PCDHA8: variants seen among roughly 807,000 people sequenced by gnomAD.
PCDHA8 encodes the protein protocadherin alpha 8, also known as protocadherin alpha-8.
A neutral mutation model predicts 61.8 loss-of-function variants in PCDHA8; 53 were observed. The ratio of observed to expected loss-of-function variants is 0.86; its 90% CI spans 0.69 to 1.08. PCDHA8 has a LOEUF of 1.08. PCDHA8 is among the 50% of genes least tolerant of loss of function. The probability of loss-of-function intolerance (pLI) is 0.00; values close to 1 mark genes in which losing one functional copy is unlikely to be tolerated. For synonymous variants in PCDHA8, 618 were observed against 556.6 expected, an observed-to-expected ratio of 1.11 and a Z score of -1.55; for missense variants, 1,293 against 1,245.0, an observed-to-expected ratio of 1.04 and a Z score of -0.58.
chr5:140,882,323 C>G, intron 1 of PCDHA8: 1 of 1,614,216 alleles, frequency 6.2e-7, no homozygotes, highest in African/African-American at 1.3e-5. Context: ...GCTCTGGCTT[C>G]TGATCCTCGC....
In PCDHA8 at chr5:140,857,075, A is replaced by C. The variant is rs782381292; in HGVS notation, c.2394+13360A>C. On this transcript the variant is annotated intron_variant, in intron 1 of 3. Coordinates refer to ENST00000531613, the MANE Select transcript of PCDHA8 (RefSeq NM_018911.3). ...GGTCCTAGTGGAACTACTGGATGAA[A>C]ATGATAATTCACCTGAGGTGATTGT... is the stretch of plus-strand genomic sequence containing the variant. 10 of 1,597,052 alleles carry C rather than the reference A, an allele frequency of 6.3e-6. 1 individual carries two copies. The highest frequency in any genetic ancestry group is 8.6e-6 in the Non-Finnish European group (10 of 1,166,684).
At chr5:140,862,914 T>G (rs1324923018) in intron 1 of PCDHA8, 1 of 548,316 alleles carries the variant, frequency 1.8e-6, no homozygotes, top group African/African-American at 2.0e-5. Flanking sequence ...TGCTGGCGCC[T>G]TGGGTGGGCT....
Position 140,885,214 on chromosome 5 carries a change from T to A in PCDHA8, c.2394+41499T>A, listed in dbSNP as rs550824585. On this transcript the variant is annotated intron_variant, in intron 1 of 3. Coordinates refer to ENST00000531613, the MANE Select transcript of PCDHA8 (RefSeq NM_018911.3). ...CCCCTCTCATATATCCCATGAAAAATATCTTGTGATTCTGCTTTCAATTTT... is the reference window on the plus strand; with the variant it reads ...CCCCTCTCATATATCCCATGAAAAAAATCTTGTGATTCTGCTTTCAATTTT... Among the ~76,000 whole-genome samples the A allele has an allele frequency of 2.8e-3, 423 of 152,168 alleles. 2 individuals carry two copies. The highest frequency in any genetic ancestry group is 0.014 in the Middle Eastern group (4 of 294).
At chr5:140,874,881 C>T (rs1316593398) in intron 1 of PCDHA8, among the ~76,000 whole-genome samples, 3 of 152,102 alleles carry the variant, frequency 2.0e-5, no homozygotes, top group Non-Finnish European at 2.9e-5. Context: ...AATACAAATT[C>T]CTAACTTTCT....
chr5:141,000,027 A>G (rs782393146), intron 3 of PCDHA8, among the ~76,000 whole-genome samples: 4 of 152,048 alleles, frequency 2.6e-5, no homozygotes, highest in Non-Finnish European at 5.9e-5. Flanking sequence ...TAAGCCTGAC[A>G]TCCAATCACA....
rs57893927 is a variant in PCDHA8, at chr5:140,946,631, T to TATATATATATATATATAC, written c.2395-32317_2395-32316insTATATATATATATATACA. Among the ~76,000 whole-genome samples, 374 of 131,796 alleles carry TATATATATATATATATAC rather than the reference T, an allele frequency of 2.8e-3. 24 individuals carry two copies. The highest frequency in any genetic ancestry group is 0.011 in the African/African-American group (320 of 28,670). 86.5% of individuals were successfully genotyped at this position (131,796 alleles called of 152,430 possible). ...TGTGAAATATATATATATATATATA[T>TATATATATATATATATAC]ACAATGGAATACTCATCAGCCATTA... On this transcript the variant is annotated intron_variant, in intron 1 of 3. Coordinates refer to ENST00000531613, the MANE Select transcript of PCDHA8 (RefSeq NM_018911.3).
At chr5:140,966,831 G>A in intron 1 of PCDHA8, 1 of 1,563,110 alleles carries the variant, frequency 6.4e-7, no homozygotes, top group Non-Finnish European at 8.6e-7. Flanking sequence ...CCCATGCCCT[G>A]GCTGCTGCTA....
At chr5:140,884,461 G>C in intron 1 of PCDHA8, 3 of 1,613,764 alleles carry the variant, frequency 1.9e-6, no homozygotes, top group Non-Finnish European at 2.5e-6. Context: ...CCGAGGGCGC[G>C]TGCGCGCCGG....
At position 140,884,619 on chromosome 5, in the gene PCDHA8, A is replaced by C; in HGVS notation, c.2394+40904A>C. ...CTTCCTCCTTGTCTGGGTTCTGCAGAGGGAACAGGCCAGAGGGAGGAGGAC... is the reference window on the plus strand; with the variant it reads ...CTTCCTCCTTGTCTGGGTTCTGCAGCGGGAACAGGCCAGAGGGAGGAGGAC... On this transcript the variant is annotated intron_variant, in intron 1 of 3. Coordinates refer to ENST00000531613, the MANE Select transcript of PCDHA8 (RefSeq NM_018911.3). 3.7e-6 allele frequency: 6 copies of C among 1,614,074 alleles called. No homozygotes were observed. The highest frequency in any genetic ancestry group is 5.1e-6 in the Non-Finnish European group (6 of 1,179,956).
intron 1 of PCDHA8, chr5:140,875,574 C>A (rs368911944): frequency 2.2e-5 from 35 of 1,613,978 alleles, no homozygotes; most frequent in East Asian, 6.7e-5. Context: ...TCCACTACTC[C>A]GTCTACGAGG....
chr5:140,869,481 TAACG>T (rs1306564737), intron 1 of PCDHA8: 1 of 1,613,970 alleles, frequency 6.2e-7, no homozygotes, highest in African/African-American at 1.3e-5. Flanking sequence ...TGAAGGACAT[TAACG>T]ACAACCCGCC....
At chr5:140,946,591 AATAG>A (rs1237639683) in intron 1 of PCDHA8, among the ~76,000 whole-genome samples, 7 of 119,490 alleles carry the variant, frequency 5.9e-5, no homozygotes, top group African/African-American at 2.9e-4. Flanking sequence ...ATAGTGGATG[AATAG>A]ATAAAGAAAA....
chr5:141,007,679 T>A (rs1362984196), intron 3 of PCDHA8, among the ~76,000 whole-genome samples: 2 of 152,186 alleles, frequency 1.3e-5, no homozygotes, highest in Admixed American at 6.5e-5. Context: ...ACAAAAGTTA[T>A]CCTACTTCCA....
intron 1 of PCDHA8, chr5:140,864,198 A>G (rs1437307959): frequency 6.6e-6 from 1 of 152,182 alleles, no homozygotes; most frequent in Non-Finnish European, 1.5e-5. Flanking sequence ...TCCTTATGAG[A>G]AGGTCAAATC....
chr5:140,991,433 T>G (rs1441155854), intron 3 of PCDHA8, among the ~76,000 whole-genome samples: 1 of 152,194 alleles, frequency 6.6e-6, no homozygotes, highest in Non-Finnish European at 1.5e-5. Context: ...AACCATAAAC[T>G]TCATGGCTTA....
Position 140,938,847 on chromosome 5 carries a change from T to C in PCDHA8, c.2395-40102T>C, listed in dbSNP as rs371783438. 4.6e-5 allele frequency among the ~76,000 whole-genome samples: 7 copies of C among 152,194 alleles called. No individual in the cohort carries two copies. The South Asian group carries it at 6.2e-4, about 14-fold the overall frequency. ...GTTTGCGTTATAACAAACCTGCCCA[T>C]GTACCCCTGAACTTAAAAGTTAAGA... On this transcript the variant is annotated intron_variant, in intron 1 of 3. Transcript: ENST00000531613.
chr5:140,875,160 C>A, intron 1 of PCDHA8: 1 of 339,568 alleles, frequency 2.9e-6, no homozygotes, highest in Non-Finnish European at 5.1e-6. Flanking sequence ...GAAAAATAAC[C>A]CAAAGTCGAA....
At chr5:140,938,507 C>T (rs2092094259) in intron 1 of PCDHA8, among the ~76,000 whole-genome samples, 1 of 151,846 alleles carries the variant, frequency 6.6e-6, no homozygotes, top group Admixed American at 6.6e-5. Flanking sequence ...GAATTTATCA[C>T]ATATTTTCTG....
rs2150473987 is a variant in PCDHA8 at position 140,850,218 on chromosome 5, G to C, written c.2394+6503G>C. ...GACACCTCGGATGAGGGGCACTGAC[G>C]GCGCAGTGAGCGAGATGGTGCTGCG... is the stretch of plus-strand genomic sequence containing the variant. On this transcript the variant is annotated intron_variant, in intron 1 of 3. Transcript: ENST00000531613. 11 of 1,593,684 alleles carry C rather than the reference G, an allele frequency of 6.9e-6. 1 individual carries two copies. The highest frequency in any genetic ancestry group is 4.4e-5 in the South Asian group (4 of 90,424).
Sources: gnomAD v4.1 joint callset for allele counts (sites outside exome capture counted in the v4.1 genomes callset) on GRCh38, gnomAD v4.1.1 for gene constraint, MANE v1.5 for transcripts, NCBI Gene and HGNC (gene_info 2026-07-23, HGNC 2026-07-21) for gene names.